The following FRMD4A variants were observed in gnomAD, a reference collection of about 807,000 sequenced individuals.
FRMD4A encodes the protein FERM domain containing 4A.
A neutral mutation model predicts 129.1 loss-of-function variants in FRMD4A; 29 were observed. The observed-to-expected ratio is 0.22, with a 90% CI of 0.17 to 0.31. The LOEUF is 0.31. FRMD4A is among the 10% of genes least tolerant of loss of function. The probability of loss-of-function intolerance (pLI) is 1.00; values close to 1 mark genes in which losing one functional copy is unlikely to be tolerated. For missense variants in FRMD4A, 1,272 were observed against 1,375.8 expected (o/e 0.92, Z 1.19); for synonymous variants, 634 against 571.6 (o/e 1.11, Z -1.56).
chr10:13,889,313 A>G (rs564995473), intron 2 of FRMD4A, among the ~76,000 whole-genome samples: 61 of 152,336 alleles, frequency 4.0e-4, no homozygotes, highest in Non-Finnish European at 6.8e-4. Context: ...CAACTCTTGC[A>G]TATCTGCTAT....
chr10:14,126,257 G>A (rs1838836965), intron 2 of FRMD4A, among the ~76,000 whole-genome samples: 1 of 143,038 alleles, frequency 7.0e-6, no homozygotes, highest in Non-Finnish European at 1.5e-5. Context: ...TGCAACCTCT[G>A]CCTCAAGGGT....
chr10:13,805,913 C>G (rs1465648242), intron 4 of FRMD4A, among the ~76,000 whole-genome samples: 1 of 151,586 alleles, frequency 6.6e-6, no homozygotes. Flanking sequence ...GGCTGGAGTG[C>G]GTGGCGTGAT....
chr10:13,853,002 G>C (rs1022071080), intron 3 of FRMD4A, among the ~76,000 whole-genome samples: 9 of 152,024 alleles, frequency 5.9e-5, no homozygotes, highest in African/African-American at 2.2e-4. Context: ...TCCACTTCTT[G>C]GAATCATAGG....
chr10:13,676,324 C>T (rs2083985601), intron 15 of FRMD4A, among the ~76,000 whole-genome samples: 1 of 151,630 alleles, frequency 6.6e-6, no homozygotes, highest in Non-Finnish European at 1.5e-5. Context: ...TGCAGTGGCA[C>T]CATCTCGGCT....
intron 2 of FRMD4A, among the ~76,000 whole-genome samples, chr10:14,020,019 C>T (rs751018353): frequency 1.5e-4 from 23 of 152,120 alleles, no homozygotes; most frequent in Non-Finnish European, 1.5e-4. Context: ...TCTTCTGAAA[C>T]GAGATGCAGA....
chr10:13,662,148 C>T (rs931773878), intron 19 of FRMD4A, among the ~76,000 whole-genome samples: 3 of 152,196 alleles, frequency 2.0e-5, no homozygotes, highest in Non-Finnish European at 1.5e-5. Flanking sequence ...CTTCCCTTTC[C>T]AGGGGAGACT....
intron 12 of FRMD4A, among the ~76,000 whole-genome samples, chr10:13,736,221 G>C (rs1299107206): frequency 6.6e-6 from 1 of 151,314 alleles, no homozygotes; most frequent in African/African-American, 2.4e-5. Context: ...GGAGGGAAGA[G>C]AGAACTCAGG....
Position 13,768,882 on chromosome 10 carries a change from TA to T in FRMD4A, c.385-6203del, listed in dbSNP as rs1320231628. Among the ~76,000 whole-genome samples the T allele has an allele frequency of 2.0e-5, 3 of 152,272 alleles. No individual in the cohort carries two copies. In the East Asian group the frequency reaches 5.8e-4, roughly 29 times the overall value. On this transcript the variant is annotated intron_variant, in intron 6 of 24. Coordinates refer to ENST00000357447, the MANE Select transcript of FRMD4A (RefSeq NM_018027.5). Reference sequence around the variant, plus strand: ...TAAAACACACTACAAGTATTAGATCTATATTATTTATTTCTGCTGATGAGTA... The same window carrying T: ...TAAAACACACTACAAGTATTAGATCTTATTATTTATTTCTGCTGATGAGTA...
intron 2 of FRMD4A, among the ~76,000 whole-genome samples, chr10:14,193,269 T>C (rs1239139744): frequency 6.6e-6 from 1 of 152,208 alleles, no homozygotes; most frequent in Non-Finnish European, 1.5e-5. Flanking sequence ...CTGAGACTAA[T>C]GCACCAAGTG....
chr10:13,690,203 C>G (rs938284813), intron 15 of FRMD4A, among the ~76,000 whole-genome samples: 1 of 152,162 alleles, frequency 6.6e-6, no homozygotes, highest in Non-Finnish European at 1.5e-5. Flanking sequence ...GGGCTTGTCC[C>G]CTTTGTGGGA....
intron 15 of FRMD4A, chr10:13,684,940 T>C: frequency 2.0e-6 from 2 of 985,158 alleles, no homozygotes; most frequent in Non-Finnish European, 2.4e-6. Flanking sequence ...GGAAAAGTTT[T>C]GGCAGACATC....
intron 2 of FRMD4A, among the ~76,000 whole-genome samples, chr10:14,222,521 G>A (rs1186548609): frequency 1.3e-5 from 2 of 152,110 alleles, no homozygotes; most frequent in Admixed American, 6.6e-5. Context: ...GAGAAACCAG[G>A]CCATCTGTAA....
chr10:13,677,130 ATT>A (rs1564585390), intron 15 of FRMD4A, among the ~76,000 whole-genome samples: 1 of 152,200 alleles, frequency 6.6e-6, no homozygotes, highest in Non-Finnish European at 1.5e-5. Flanking sequence ...AAAACCCTGC[ATT>A]CCATCAATTA....
intron 2 of FRMD4A, among the ~76,000 whole-genome samples, chr10:14,185,653 T>G (rs551949480): frequency 2.2e-4 from 33 of 152,220 alleles, no homozygotes; most frequent in African/African-American, 6.7e-4. Context: ...GCAGGGGCGG[T>G]TGTTAGCTGT....
At chr10:14,286,370 T>C (rs756031224) in intron 2 of FRMD4A, among the ~76,000 whole-genome samples, 5 of 152,192 alleles carry the variant, frequency 3.3e-5, no homozygotes, top group Admixed American at 6.5e-5. Flanking sequence ...CTCAGCAATA[T>C]TGCCAAACCT....
chr10:14,304,465 T>C (rs1358957356), intron 2 of FRMD4A, among the ~76,000 whole-genome samples: 1 of 152,320 alleles, frequency 6.6e-6, no homozygotes, highest in Admixed American at 6.5e-5. Context: ...TCTCCTGATT[T>C]CTTGCTTCAT....
chr10:14,110,323 T>C (rs1430798647), intron 2 of FRMD4A, among the ~76,000 whole-genome samples: 1 of 152,076 alleles, frequency 6.6e-6, no homozygotes, highest in East Asian at 1.9e-4. Context: ...GAGAAACTGG[T>C]TCATGAAAAT....
At chr10:14,024,491 C>T (rs1171162497) in intron 2 of FRMD4A, among the ~76,000 whole-genome samples, 1 of 152,214 alleles carries the variant, frequency 6.6e-6, no homozygotes, top group Non-Finnish European at 1.5e-5. Context: ...TCAGGAAACA[C>T]CGTCGGCGTC....
intron 2 of FRMD4A, among the ~76,000 whole-genome samples, chr10:13,958,178 T>C (rs928507032): frequency 3.3e-5 from 5 of 152,158 alleles, no homozygotes; most frequent in African/African-American, 1.2e-4. Flanking sequence ...TCCTATCCTT[T>C]TGTGTTTCTT....
Sources: allele counts gnomAD v4.1 joint callset (sites outside exome capture counted in the v4.1 genomes callset), GRCh38; gene constraint gnomAD v4.1.1; transcripts MANE v1.5; gene names NCBI Gene and HGNC (gene_info 2026-07-23, HGNC 2026-07-21).